The following PCDH15 variants were observed in gnomAD, a reference collection of about 807,000 sequenced individuals.
PCDH15 encodes the protein protocadherin related 15.
A neutral mutation model predicts 178.5 loss-of-function variants in PCDH15; 129 were observed. That is an observed-to-expected ratio of 0.72 (90% confidence interval 0.63 to 0.84). The LOEUF (loss-of-function observed/expected upper bound fraction) is 0.84, where lower values mean the gene tolerates loss of function less well. Among genes scored for constraint, PCDH15 ranks in the 40% least tolerant of loss-of-function variants. The pLI is 0.00. For synonymous variants in PCDH15, 800 were observed against 732.0 expected (o/e 1.09, Z -1.50); for missense variants, 2,230 against 2,099.9 (o/e 1.06, Z -1.21).
intron 25 of PCDH15, among the ~76,000 whole-genome samples, chr10:53,909,808 C>T (rs1195334221): frequency 6.6e-6 from 1 of 152,196 alleles, no homozygotes; most frequent in African/African-American, 2.4e-5. Flanking sequence ...CACCCAAATG[C>T]TGCGCTTTTC....
chr10:54,722,593 AAT>A (rs1491309286), intron 1 of PCDH15, among the ~76,000 whole-genome samples: 2 of 147,808 alleles, frequency 1.4e-5, no homozygotes, highest in African/African-American at 5.1e-5. Flanking sequence ...AAAAAAAAAA[AAT>A]GTCAAATTAT....
intron 1 of PCDH15, among the ~76,000 whole-genome samples, chr10:54,675,463 T>G (rs201503548): frequency 5.2e-4 from 78 of 150,158 alleles, no homozygotes; most frequent in East Asian, 4.5e-3. Context: ...TCATGTTGTT[T>G]TTTTTTTTTT....
chr10:54,695,112 G>T (rs1302549442), intron 1 of PCDH15, among the ~76,000 whole-genome samples: 1 of 152,134 alleles, frequency 6.6e-6, no homozygotes, highest in Admixed American at 6.6e-5. Context: ...TATAACTAAT[G>T]TTAAATGATG....
At chr10:54,060,234 ATTGT>A (rs1210242393) in intron 18 of PCDH15, among the ~76,000 whole-genome samples, 3 of 152,178 alleles carry the variant, frequency 2.0e-5, no homozygotes, top group Admixed American at 6.5e-5. Context: ...ACTGACTATG[ATTGT>A]TTGTAGTGAT....
rs1313516899 is a variant in PCDH15, at chr10:53,806,303, A to AAAAT, written c.*272_*275dup. On this transcript the variant is annotated 3_prime_UTR_variant, in exon 38 of 38. Transcript: ENST00000644397. ...ATTTAGTAATTATTTCTTGTTTATT[A>AAAAT]AAATGAACAAAAATTCAAGACCCAA... 3.3e-6 allele frequency: 1 copy of AAAAT among 307,398 alleles called. No individual in the cohort carries two copies. Among genetic ancestry groups the AAAAT allele is most frequent in the Non-Finnish European group, 5.9e-6 (1 of 168,154 alleles). The allele number at this position is 307,398 out of a possible 1,614,324, so 19.0% of individuals were successfully genotyped here.
chr10:55,331,109 C>T (rs970087123), intron 2 of PCDH15, among the ~76,000 whole-genome samples: 1 of 151,802 alleles, frequency 6.6e-6, no homozygotes, highest in Non-Finnish European at 1.5e-5. Context: ...GGTAACAAGG[C>T]TTTTCTCCTT....
At chr10:54,710,479 T>C (rs67776107) in intron 1 of PCDH15, among the ~76,000 whole-genome samples, 18,489 of 151,998 alleles carry the variant, frequency 0.12, 1,255 homozygotes, top group African/African-American at 0.17. Flanking sequence ...AGTTTTAGAA[T>C]AGCAGTATAT....
chr10:54,246,113 T>A (rs1297477354), intron 8 of PCDH15, among the ~76,000 whole-genome samples: 1 of 151,986 alleles, frequency 6.6e-6, no homozygotes, highest in Non-Finnish European at 1.5e-5. Context: ...CAGAGATGTG[T>A]TGACAAGAAT....
intron 2 of PCDH15, among the ~76,000 whole-genome samples, chr10:54,557,428 C>T (rs2087448090): frequency 6.6e-6 from 1 of 151,974 alleles, no homozygotes; most frequent in Non-Finnish European, 1.5e-5. Flanking sequence ...CCCCTCAAAC[C>T]CTAGAAAAAG....
At chr10:54,191,071 C>T (rs7915174) in intron 11 of PCDH15, among the ~76,000 whole-genome samples, 67,324 of 152,054 alleles carry the variant, frequency 0.44, 17,908 homozygotes, top group East Asian at 0.94. Context: ...TCATTAGCAT[C>T]TTTGAAGCAT....
chr10:54,797,551 C>T (rs74136293), intron 1 of PCDH15, among the ~76,000 whole-genome samples: 2 of 144,870 alleles, frequency 1.4e-5, no homozygotes, highest in African/African-American at 5.1e-5. Flanking sequence ...CACACACACA[C>T]GATCATCTTA....
At chr10:55,343,600 A>G (rs2218582) in intron 2 of PCDH15, among the ~76,000 whole-genome samples, 83,481 of 151,472 alleles carry the variant, frequency 0.55, 23,534 homozygotes, top group African/African-American at 0.66. Flanking sequence ...TGAAAAAGAG[A>G]TTCTAATTGA....
At chr10:54,417,024 T>G (rs1469692163) in intron 3 of PCDH15, among the ~76,000 whole-genome samples, 1 of 152,112 alleles carries the variant, frequency 6.6e-6, no homozygotes, top group Non-Finnish European at 1.5e-5. Context: ...TGTTAAGCCT[T>G]TGGCAGATGG....
chr10:55,093,515 G>T (rs947922141), intron 2 of PCDH15, among the ~76,000 whole-genome samples: 2 of 151,924 alleles, frequency 1.3e-5, no homozygotes, highest in African/African-American at 4.8e-5. Flanking sequence ...GGCTTTTGTT[G>T]CCATTGCTTT....
intron 3 of PCDH15, among the ~76,000 whole-genome samples, chr10:54,415,266 C>T (rs1954154191): frequency 6.6e-6 from 1 of 151,880 alleles, no homozygotes; most frequent in Non-Finnish European, 1.5e-5. Flanking sequence ...CTGTGCAATA[C>T]ATTTTTGTCA....
chr10:54,923,338 A>G (rs965900325), intron 2 of PCDH15, among the ~76,000 whole-genome samples: 1 of 138,678 alleles, frequency 7.2e-6, no homozygotes, highest in African/African-American at 2.5e-5. Flanking sequence ...AGTCTCTGAA[A>G]CACCATTGAA....
intron 2 of PCDH15, among the ~76,000 whole-genome samples, chr10:55,336,233 C>T (rs546258302): frequency 6.6e-5 from 10 of 151,216 alleles, no homozygotes; most frequent in Middle Eastern, 3.5e-3. Context: ...GGCGCAGTGG[C>T]TCCTGCCTGT....
chr10:54,172,312 C>A (rs1402493597), intron 13 of PCDH15, among the ~76,000 whole-genome samples: 5 of 152,020 alleles, frequency 3.3e-5, no homozygotes, highest in Admixed American at 3.3e-4. Flanking sequence ...CGACCCCCGA[C>A]TCCTGCCCGC....
intron 25 of PCDH15, among the ~76,000 whole-genome samples, chr10:53,921,124 C>T (rs747943540): frequency 4.6e-5 from 7 of 152,126 alleles, no homozygotes; most frequent in Non-Finnish European, 8.8e-5. Context: ...TGCAATATGT[C>T]ATTAAGTCCA....
Sources: gnomAD v4.1 joint callset for allele counts (sites outside exome capture counted in the v4.1 genomes callset) on GRCh38, gnomAD v4.1.1 for gene constraint, MANE v1.5 for transcripts, NCBI Gene and HGNC (gene_info 2026-07-23, HGNC 2026-07-21) for gene names.